The following ATE1 variants were observed in gnomAD, a reference collection of about 807,000 sequenced individuals.
ATE1 encodes arginyltransferase 1, also known as arginyl-tRNA--protein transferase 1.
Under a neutral mutation model 70.5 loss-of-function variants are expected in ATE1, and 36 were observed. The observed-to-expected ratio is 0.51, with a 90% CI of 0.39 to 0.67. ATE1 has a LOEUF of 0.67. ATE1 is among the 30% of genes least tolerant of loss of function. ATE1 has a pLI of 0.00. For missense variants in ATE1, 593 were observed against 629.5 expected, an observed-to-expected ratio of 0.94 and a Z score of 0.62; for synonymous variants, 232 against 219.3, an observed-to-expected ratio of 1.06 and a Z score of -0.51.
At chr10:121,834,639 G>A (rs1251077256) in intron 10 of ATE1, among the ~76,000 whole-genome samples, 1 of 151,808 alleles carries the variant, frequency 6.6e-6, no homozygotes, top group African/African-American at 2.4e-5. Context: ...AGTCAACAAA[G>A]GTGTCAGCAA....
intron 11 of ATE1, among the ~76,000 whole-genome samples, chr10:121,779,711 C>T (rs1945900689): frequency 6.6e-6 from 1 of 152,176 alleles, no homozygotes; most frequent in Non-Finnish European, 1.5e-5. Flanking sequence ...CATCCCCTTC[C>T]TCCATCAGAC....
At chr10:121,757,391 G>T (rs1944851104) in intron 11 of ATE1, among the ~76,000 whole-genome samples, 1 of 152,156 alleles carries the variant, frequency 6.6e-6, no homozygotes, top group Admixed American at 6.5e-5. Context: ...CTGTTGCCCA[G>T]TTCCAAAGTT....
intron 10 of ATE1, among the ~76,000 whole-genome samples, chr10:121,831,592 T>C (rs576229164): frequency 3.8e-4 from 58 of 152,354 alleles, no homozygotes; most frequent in Middle Eastern, 3.4e-3. Flanking sequence ...TAACATTTCA[T>C]GCTGACTGCT....
chr10:121,915,177 G>A (rs575374955), intron 3 of ATE1, among the ~76,000 whole-genome samples: 2 of 152,226 alleles, frequency 1.3e-5, no homozygotes, highest in South Asian at 2.1e-4. Context: ...GGAAGATCTC[G>A]TTTATTAAGC....
chr10:121,915,816 G>C (rs373505570), intron 3 of ATE1, among the ~76,000 whole-genome samples: 5 of 143,494 alleles, frequency 3.5e-5, no homozygotes, highest in African/African-American at 1.3e-4. Context: ...GCATGAACCT[G>C]GGAGGCAGAG....
At chr10:121,918,629 G>A (rs1014223387) in intron 3 of ATE1, among the ~76,000 whole-genome samples, 3 of 152,036 alleles carry the variant, frequency 2.0e-5, no homozygotes, top group African/African-American at 7.2e-5. Flanking sequence ...ATTGCTAATT[G>A]AAGACAAATG....
chr10:121,793,414 A>G (rs922522158), intron 10 of ATE1, among the ~76,000 whole-genome samples: 1 of 152,148 alleles, frequency 6.6e-6, no homozygotes, highest in Non-Finnish European at 1.5e-5. Flanking sequence ...TGTTGGGTAA[A>G]AGGGTTTTAA....
At position 121,838,032 on chromosome 10, in the gene ATE1, C is replaced by A. The variant is rs372594954; in HGVS notation, c.1158-1215G>T. Reference sequence around the variant, plus strand: ...TCAGCAGGTCTTTTGGGCTTTCTCTCTAAAATATGTCTTGAATCTGACCAC... The same window carrying A: ...TCAGCAGGTCTTTTGGGCTTTCTCTATAAAATATGTCTTGAATCTGACCAC... On this transcript the variant is annotated intron_variant, in intron 9 of 11. Transcript: ENST00000224652. Among the ~76,000 whole-genome samples, 5 of 152,212 alleles carry A rather than the reference C, an allele frequency of 3.3e-5. No homozygotes were observed. In the East Asian group the frequency reaches 9.7e-4, roughly 29 times the overall value.
chr10:121,806,517 G>T (rs558360838), intron 10 of ATE1, among the ~76,000 whole-genome samples: 66 of 152,244 alleles, frequency 4.3e-4, no homozygotes, highest in African/African-American at 1.5e-3. Flanking sequence ...AGGATTGAGG[G>T]GGGGAAAGAA....
At chr10:121,805,046 G>A (rs1947041673) in intron 10 of ATE1, among the ~76,000 whole-genome samples, 1 of 152,136 alleles carries the variant, frequency 6.6e-6, no homozygotes, top group South Asian at 2.1e-4. Flanking sequence ...TAGTCTTTGG[G>A]AAGTGTATGA....
At chr10:121,787,034 A>G (rs887791164) in intron 11 of ATE1, among the ~76,000 whole-genome samples, 7 of 152,184 alleles carry the variant, frequency 4.6e-5, no homozygotes, top group Non-Finnish European at 1.0e-4. Context: ...TTTCTTTAGA[A>G]TTTTCCAAGT....
rs1315499109 is a variant in ATE1, at chr10:121,741,514, G to T, written c.*2166C>A. The T allele has an allele frequency of 6.6e-6, 1 of 152,170 alleles. No individual in the cohort carries two copies. Among genetic ancestry groups the T allele is most frequent in the Non-Finnish European group, 1.5e-5 (1 of 68,042 alleles). The allele number at this position is 152,170 out of a possible 1,614,324, so 9.4% of individuals were successfully genotyped here. ...TCTGCAGGAAGAAACCAGAGTTGTG[G>T]TAAGATGTTGGAGTCAAGTTTTCTC... On this transcript the variant is annotated 3_prime_UTR_variant, in exon 12 of 12. Transcript: ENST00000224652.
intron 11 of ATE1, among the ~76,000 whole-genome samples, chr10:121,761,823 G>A (rs972160007): frequency 6.6e-6 from 1 of 151,940 alleles, no homozygotes. Context: ...TTGTATAATC[G>A]ATTTTTTCTC....
chr10:121,859,813 G>A (rs931503153), intron 8 of ATE1, among the ~76,000 whole-genome samples: 1 of 152,114 alleles, frequency 6.6e-6, no homozygotes, highest in African/African-American at 2.4e-5. Flanking sequence ...ATGGTGGCAG[G>A]TGCCTGTAAT....
At chr10:121,791,038 GTGTA>G (rs1946420260) in intron 10 of ATE1, among the ~76,000 whole-genome samples, 1 of 147,630 alleles carries the variant, frequency 6.8e-6, no homozygotes, top group African/African-American at 2.5e-5. Flanking sequence ...ATGTATATAT[GTGTA>G]TATATATGTA....
In ATE1 at chr10:121,902,580, T is replaced by C. The variant is rs374841749; in HGVS notation, c.624A>G (p.Ala208=). 2 of 1,613,714 alleles carry C rather than the reference T, an allele frequency of 1.2e-6. No individual in the cohort carries two copies. The highest frequency in any genetic ancestry group is 2.7e-5 in the African/African-American group (2 of 74,936). ...TTTTCCTTTCTTTCCGGATTTCCTT[T>C]GCTTTTCGACATGGAGGCTTACTCA... is the stretch of plus-strand genomic sequence containing the variant. ...ADLSKPPCRK[A]KEIRKERKRL... The change falls in exon 6 of 12, where the codon GCA becomes GCG. Residue 208 remains alanine (A), a synonymous_variant. Coordinates refer to ENST00000224652, the MANE Select transcript of ATE1 (RefSeq NM_001001976.3).
chr10:121,868,339 C>A (rs764797669), intron 8 of ATE1, among the ~76,000 whole-genome samples: 6 of 152,152 alleles, frequency 3.9e-5, no homozygotes, highest in Non-Finnish European at 7.4e-5. Context: ...TTTCATCATA[C>A]TTTATCCAAG....
intron 10 of ATE1, among the ~76,000 whole-genome samples, chr10:121,793,108 A>G (rs951278147): frequency 3.3e-5 from 5 of 152,230 alleles, no homozygotes; most frequent in African/African-American, 1.2e-4. Context: ...AAAAAGGCAA[A>G]TCACTTAAGC....
intron 8 of ATE1, among the ~76,000 whole-genome samples, chr10:121,859,623 T>C (rs576338238): frequency 1.3e-5 from 2 of 152,146 alleles, no homozygotes; most frequent in Non-Finnish European, 2.9e-5. Flanking sequence ...GACATACATT[T>C]GTGTCAGCAG....
Sources: gnomAD v4.1 joint callset for allele counts (sites outside exome capture counted in the v4.1 genomes callset) on GRCh38, gnomAD v4.1.1 for gene constraint, MANE v1.5 for transcripts, NCBI Gene and HGNC (gene_info 2026-07-23, HGNC 2026-07-21) for gene names.